Variants in RIN2 observed in about 807,000 individuals in gnomAD.
RIN2 encodes the protein Ras and Rab interactor 2, also known as RAB5 interacting protein 2.
In RIN2, 36 loss-of-function variants were observed where a neutral mutation model predicts 78.0. That is an observed-to-expected ratio of 0.46 (90% CI 0.35 to 0.61). The LOEUF (loss-of-function observed/expected upper bound fraction) is 0.61, where lower values mean the gene tolerates loss of function less well. Among genes scored for constraint, RIN2 ranks in the 20% least tolerant of loss-of-function variants. The probability of loss-of-function intolerance (pLI) is 0.00; values close to 1 mark genes in which losing one functional copy is unlikely to be tolerated. For missense variants in RIN2, 1,087 were observed against 1,159.7 expected, an observed-to-expected ratio of 0.94 and a Z score of 0.91; for synonymous variants, 466 against 466.8, an observed-to-expected ratio of 1.00 and a Z score of 0.02.
intron 4 of RIN2, among the ~76,000 whole-genome samples, chr20:19,953,930 C>T (rs2041428565): frequency 6.6e-6 from 1 of 152,194 alleles, no homozygotes; most frequent in South Asian, 2.1e-4. Flanking sequence ...GGCACAGAGT[C>T]TCCTACCTGG....
chr20:19,790,903 TG>T (rs2034868849), intron 1 of RIN2, among the ~76,000 whole-genome samples: 2 of 152,342 alleles, frequency 1.3e-5, no homozygotes, highest in East Asian at 3.9e-4. Context: ...GACCATGACC[TG>T]GCCTGCCTTT....
intron 2 of RIN2, among the ~76,000 whole-genome samples, chr20:19,803,039 C>T (rs1224165047): frequency 6.6e-6 from 1 of 152,194 alleles, no homozygotes; most frequent in Non-Finnish European, 1.5e-5. Flanking sequence ...ACCGAGAATG[C>T]TTTATTGTTC....
intron 2 of RIN2, chr20:19,823,825 T>C: frequency 1.2e-6 from 2 of 1,605,656 alleles, no homozygotes; most frequent in South Asian, 1.1e-5. Context: ...ACCAACCTTT[T>C]TTGGAGACAG....
chr20:19,981,760 C>A (rs1209257707), intron 9 of RIN2, among the ~76,000 whole-genome samples: 1 of 152,180 alleles, frequency 6.6e-6, no homozygotes, highest in Non-Finnish European at 1.5e-5. Flanking sequence ...CTAATGGGAT[C>A]TTCCTTAAAA....
At chr20:19,788,345 A>T (rs1197310228) in intron 1 of RIN2, among the ~76,000 whole-genome samples, 1 of 151,178 alleles carries the variant, frequency 6.6e-6, no homozygotes, top group African/African-American at 2.4e-5. Flanking sequence ...CTGTAATCCC[A>T]GCACTTTGGG....
At chr20:19,920,138 C>CA (rs1386430633) in intron 3 of RIN2, among the ~76,000 whole-genome samples, 3 of 151,500 alleles carry the variant, frequency 2.0e-5, no homozygotes, top group South Asian at 4.2e-4. Flanking sequence ...ACTAAAAATA[C>CA]AAAAAAAATT....
intron 1 of RIN2, among the ~76,000 whole-genome samples, chr20:19,774,853 CTG>C (rs1291546871): frequency 6.6e-6 from 1 of 152,178 alleles, no homozygotes; most frequent in East Asian, 1.9e-4. Flanking sequence ...TAGGAGAAGA[CTG>C]TGATCATTCA....
chr20:19,864,018 T>TA (rs112956359), intron 2 of RIN2, among the ~76,000 whole-genome samples: 5,516 of 144,610 alleles, frequency 0.038, 336 homozygotes, highest in African/African-American at 0.13. Flanking sequence ...GGGTGGGTGG[T>TA]AAAAAAAAAA....
chr20:19,888,615 G>A (rs59355292), intron 2 of RIN2, among the ~76,000 whole-genome samples: 2,048 of 152,298 alleles, frequency 0.013, 37 homozygotes, highest in African/African-American at 0.047. Context: ...TGTCCGTCAC[G>A]GTTGGCATGA....
chr20:19,899,616 A>T (rs1018427395), intron 3 of RIN2, among the ~76,000 whole-genome samples: 1 of 152,138 alleles, frequency 6.6e-6, no homozygotes, highest in African/African-American at 2.4e-5. Flanking sequence ...TCATAGTCTC[A>T]TCTGAAGGCT....
intron 4 of RIN2, among the ~76,000 whole-genome samples, chr20:19,950,044 C>T (rs1374486616): frequency 6.6e-6 from 1 of 152,214 alleles, no homozygotes; most frequent in African/African-American, 2.4e-5. Flanking sequence ...TCTCTCATCC[C>T]ATACTCCAAA....
intron 5 of RIN2, among the ~76,000 whole-genome samples, chr20:19,958,561 G>C (rs1191184608): frequency 1.3e-5 from 2 of 152,242 alleles, no homozygotes; most frequent in Admixed American, 6.5e-5. Flanking sequence ...ACGTGGACCA[G>C]GACAGTCAAG....
chr20:19,784,093 T>G (rs975047127), intron 1 of RIN2, among the ~76,000 whole-genome samples: 10 of 152,144 alleles, frequency 6.6e-5, no homozygotes, highest in Non-Finnish European at 1.5e-4. Flanking sequence ...CTGCTTGAAA[T>G]TGGCCAATTG....
At chr20:19,956,276 A>AG (rs2041531985) in intron 4 of RIN2, among the ~76,000 whole-genome samples, 1 of 150,948 alleles carries the variant, frequency 6.6e-6, no homozygotes, top group African/African-American at 2.4e-5. Flanking sequence ...AAAAAAAAAA[A>AG]AGAAAAGAAA....
chr20:19,861,574 A>G (rs190814065), intron 2 of RIN2, among the ~76,000 whole-genome samples: 2 of 148,168 alleles, frequency 1.3e-5, no homozygotes, highest in Non-Finnish European at 3.0e-5. Flanking sequence ...TCCATATCTG[A>G]TGATCACCCT....
At chr20:19,870,354 G>A (rs1477353806) in intron 2 of RIN2, among the ~76,000 whole-genome samples, 1 of 152,134 alleles carries the variant, frequency 6.6e-6, no homozygotes, top group Non-Finnish European at 1.5e-5. Context: ...TTTTTTAAGA[G>A]TGATTCCTCA....
chr20:19,967,735 G>A (rs985591197), intron 7 of RIN2, among the ~76,000 whole-genome samples: 4 of 152,158 alleles, frequency 2.6e-5, no homozygotes, highest in Non-Finnish European at 5.9e-5. Context: ...GGTACAGTGG[G>A]TCTGGGGTGG....
chr20:19,870,910 G>A (rs1300679025), intron 2 of RIN2, among the ~76,000 whole-genome samples: 1 of 152,190 alleles, frequency 6.6e-6, no homozygotes, highest in African/African-American at 2.4e-5. Flanking sequence ...GGATCACCTG[G>A]ACAAGGTGTT....
At chr20:19,846,304 TAA>T (rs2036781759) in intron 2 of RIN2, among the ~76,000 whole-genome samples, 1 of 152,246 alleles carries the variant, frequency 6.6e-6, no homozygotes, top group African/African-American at 2.4e-5. Flanking sequence ...ATTAAATCTA[TAA>T]ATTACTTTGG....
Sources: gnomAD v4.1 joint callset for allele counts (sites outside exome capture counted in the v4.1 genomes callset) on GRCh38, gnomAD v4.1.1 for gene constraint, MANE v1.5 for transcripts, NCBI Gene and HGNC (gene_info 2026-07-23, HGNC 2026-07-21) for gene names.